TF: variants seen among roughly 807,000 people sequenced by gnomAD.
TF encodes transferrin, also known as serotransferrin.
In TF, 55 loss-of-function variants were observed where a neutral mutation model predicts 82.4. The observed-to-expected ratio is 0.67, with a 90% CI of 0.54 to 0.84. The LOEUF is 0.84. TF is among the 40% of genes least tolerant of loss of function. The pLI is 0.00. For missense variants in TF, 737 were observed against 868.4 expected, an observed-to-expected ratio of 0.85 and a Z score of 1.90; for synonymous variants, 332 against 332.6, an observed-to-expected ratio of 1.00 and a Z score of 0.02.
the TF span, among the ~76,000 whole-genome samples, chr3:133,670,764 T>C: frequency 6.6e-6 from 1 of 152,218 alleles, no homozygotes; most frequent in Non-Finnish European, 1.5e-5. Flanking sequence ...AAGAAAAAAG[T>C]GATCTCTGCG....
the TF span, among the ~76,000 whole-genome samples, chr3:133,685,431 A>G: frequency 1.3e-5 from 2 of 152,358 alleles, no homozygotes; most frequent in Admixed American, 1.3e-4. Flanking sequence ...GGCAGATGAT[A>G]TGATTGTATA....
At position 133,795,089 on chromosome 3, in the gene TF, A is replaced by C. The variant is rs1309908545; in HGVS notation, c.*16469A>C. 3 of 152,242 alleles carry C rather than the reference A, an allele frequency of 2.0e-5. No homozygotes were observed. The highest frequency in any genetic ancestry group is 2.1e-4 in the South Asian group (1 of 4,830). 9.4% of individuals were successfully genotyped at this position (152,242 alleles called of 1,614,324 possible). ...CTAAATAATAGAGTTGGCTAAACAG[A>C]AGAGTATCTGTGCAGCTGCTGGCAC... is the stretch of plus-strand genomic sequence containing the variant. On this transcript the variant is annotated 3_prime_UTR_variant, in exon 17 of 17. Transcript: ENST00000402696.
the TF span, among the ~76,000 whole-genome samples, chr3:133,726,446 G>A: frequency 6.6e-6 from 1 of 152,188 alleles, no homozygotes; most frequent in African/African-American, 2.4e-5. Flanking sequence ...TATTTGCGTA[G>A]AGGTGTTTGT....
the TF span, among the ~76,000 whole-genome samples, chr3:133,715,623 G>A: frequency 6.6e-6 from 1 of 152,024 alleles, no homozygotes; most frequent in East Asian, 1.9e-4. Flanking sequence ...AAAATTCCTT[G>A]AAAGAGTTAA....
chr3:133,674,965 G>A, the TF span, among the ~76,000 whole-genome samples: 3 of 152,094 alleles, frequency 2.0e-5, no homozygotes, highest in East Asian at 5.8e-4. Context: ...AAAGGGAAAG[G>A]CCAGACGCGG....
At position 133,779,305 on chromosome 3, in the gene TF, C is replaced by G. The variant is rs1344118747; in HGVS notation, c.*685C>G. 2 of 152,454 alleles carry G rather than the reference C, an allele frequency of 1.3e-5. No homozygotes were observed. Among genetic ancestry groups the G allele is most frequent in the African/African-American group, 2.4e-5 (1 of 41,458 alleles). 9.4% of individuals were successfully genotyped at this position (152,454 alleles called of 1,614,324 possible). ...AGCCCAGCTTCCTGTAAGGTGGAGGCTGACTTTTCTGTCTCACTTATTATT... is the reference window on the plus strand; with the variant it reads ...AGCCCAGCTTCCTGTAAGGTGGAGGGTGACTTTTCTGTCTCACTTATTATT... On this transcript the variant is annotated 3_prime_UTR_variant, in exon 17 of 17. Transcript: ENST00000402696.
chr3:133,762,130 AG>A (rs1326254022), intron 9 of TF: 7 of 215,876 alleles, frequency 3.2e-5, no homozygotes, highest in Non-Finnish European at 7.0e-5. Flanking sequence ...GATCATAAAA[AG>A]GACCTTGTAA....
the TF span, among the ~76,000 whole-genome samples, chr3:133,677,467 T>A: frequency 6.6e-6 from 1 of 152,078 alleles, no homozygotes; most frequent in African/African-American, 2.4e-5. Context: ...TGAAACCGTG[T>A]CTCTACTAAA....
At chr3:133,759,386 C>T in intron 9 of TF, 57 bp downstream of exon 9, 1 of 1,603,316 alleles carries the variant, frequency 6.2e-7, no homozygotes. Context: ...CTGCTGGCCC[C>T]CAAGACTGAG....
the TF span, among the ~76,000 whole-genome samples, chr3:133,706,870 G>T: frequency 6.6e-6 from 1 of 152,134 alleles, no homozygotes; most frequent in Non-Finnish European, 1.5e-5. Flanking sequence ...TTCCTGTGTG[G>T]CAGGACCCCA....
chr3:133,686,324 T>C, the TF span, among the ~76,000 whole-genome samples: 28,668 of 151,942 alleles, frequency 0.19, 2,922 homozygotes, highest in African/African-American at 0.25. Context: ...AAAGCAATGG[T>C]AACAAAAGCC....
Position 133,757,784 on chromosome 3 carries a change from G to A in TF, c.886G>A (p.Asp296Asn), listed in dbSNP as rs375511616. ...CTATGAACAGGAACATTTTGGCAAA[G>A]ACAAATCAAAAGAATTCCAACTATT... The part of the protein sequence containing the change: ...LNQAQEHFGK[D>N]KSKEFQLFSS... Residue 296 changes from aspartate to asparagine, a missense_variant, in exon 8 of 17, where the codon GAC becomes AAC. Asp to Asn is a conservative substitution (Grantham distance 23). Transcript: ENST00000402696. 6.2e-7 allele frequency: 1 copy of A among 1,614,086 alleles called. No homozygotes were observed. The highest frequency in any genetic ancestry group is 8.5e-7 in the Non-Finnish European group (1 of 1,180,030).
At chr3:133,695,541 T>C in the TF span, among the ~76,000 whole-genome samples, 1 of 152,192 alleles carries the variant, frequency 6.6e-6, no homozygotes, top group Non-Finnish European at 1.5e-5. Flanking sequence ...CCACCATCTC[T>C]AGATATAAGT....
At chr3:133,734,532 A>T in the TF span, among the ~76,000 whole-genome samples, 1 of 58,944 alleles carries the variant, frequency 1.7e-5, no homozygotes, top group South Asian at 8.1e-4. Context: ...CACCAAACAA[A>T]ACAGGAACTC....
chr3:133,746,223 G>A (rs1323150612), upstream of TF: 3 of 623,204 alleles, frequency 4.8e-6, no homozygotes, highest in Non-Finnish European at 8.7e-6. Flanking sequence ...TCCACTCGCG[G>A]GTCGTCTCCA....
the TF span, among the ~76,000 whole-genome samples, chr3:133,718,251 A>G: frequency 9.2e-5 from 14 of 152,200 alleles, no homozygotes; most frequent in Admixed American, 9.2e-4. Context: ...AAAAGGGCCC[A>G]GTGAACAGGG....
At chr3:133,707,174 A>C in the TF span, among the ~76,000 whole-genome samples, 2 of 146,720 alleles carry the variant, frequency 1.4e-5, no homozygotes, top group African/African-American at 5.1e-5. Context: ...AGAGAGGGGG[A>C]GAGTTAACCT....
chr3:133,677,060 GT>G, the TF span, among the ~76,000 whole-genome samples: 3 of 152,246 alleles, frequency 2.0e-5, no homozygotes, highest in African/African-American at 7.2e-5. Context: ...GAAGGGGGCA[GT>G]TATTGGTATG....
At chr3:133,687,283 A>G in the TF span, among the ~76,000 whole-genome samples, 3 of 152,198 alleles carry the variant, frequency 2.0e-5, no homozygotes, top group Non-Finnish European at 4.4e-5. Flanking sequence ...AACATGGCAC[A>G]TGTATACATA....
Sources: allele counts gnomAD v4.1 joint callset (sites outside exome capture counted in the v4.1 genomes callset), GRCh38; gene constraint gnomAD v4.1.1; transcripts MANE v1.5; gene names NCBI Gene and HGNC (gene_info 2026-07-23, HGNC 2026-07-21).